NCOA2: variants seen among roughly 807,000 people sequenced by gnomAD.
NCOA2 encodes class E basic helix-loop-helix protein 75.
Under a neutral mutation model 145.1 loss-of-function variants are expected in NCOA2, and 21 were observed. That is an observed-to-expected ratio of 0.14 (90% CI 0.10 to 0.21). The LOEUF (loss-of-function observed/expected upper bound fraction) is 0.21. Ranked by LOEUF, NCOA2 falls within the 10% of genes least tolerant of loss-of-function variation. NCOA2 has a pLI of 1.00. For missense variants in NCOA2, 1,472 were observed against 1,837.6 expected, an observed-to-expected ratio of 0.80 and a Z score of 3.64; for synonymous variants, 619 against 637.5, an observed-to-expected ratio of 0.97 and a Z score of 0.44.
In NCOA2 at chr8:70,156,076, G is replaced by C; in HGVS notation, c.2289C>G (p.Thr763=). 6.2e-7 allele frequency: 1 copy of C among 1,613,848 alleles called. No homozygotes were observed. ...DTKDIGLPEI[T]PKLERLDSKT... is the part of the protein sequence containing the mutation. ...TACTGTCCAGTCTCTCAAGTTTGGG[G>C]GTTATTTCTGGTAAACCAATATCTT... The change falls in exon 11 of 23, where the codon ACC becomes ACG. Residue 763 remains threonine (T), a synonymous_variant. Transcript: ENST00000452400.
At chr8:70,267,945 T>G (rs1469478846) in intron 2 of NCOA2, among the ~76,000 whole-genome samples, 1 of 152,212 alleles carries the variant, frequency 6.6e-6, no homozygotes, top group African/African-American at 2.4e-5. Flanking sequence ...ACAAAATCGT[T>G]TTTCATATTT....
chr8:70,238,176 T>C (rs922883537), intron 2 of NCOA2, among the ~76,000 whole-genome samples: 4 of 152,216 alleles, frequency 2.6e-5, no homozygotes, highest in Middle Eastern at 3.4e-3. Flanking sequence ...GTGTGTGTTT[T>C]AAACTACTTA....
chr8:70,364,334 A>G (rs1810480230), intron 1 of NCOA2, among the ~76,000 whole-genome samples: 1 of 152,220 alleles, frequency 6.6e-6, no homozygotes, highest in South Asian at 2.1e-4. Context: ...GAAAAGGAAG[A>G]AAAGGTGTAT....
At chr8:70,324,593 GGCCTCCCAAAA>G (rs1200368100) in intron 1 of NCOA2, among the ~76,000 whole-genome samples, 1 of 151,720 alleles carries the variant, frequency 6.6e-6, no homozygotes, top group Non-Finnish European at 1.5e-5. Flanking sequence ...CACCCGCCTT[GGCCTCCCAAAA>G]GCTCACGAGC....
chr8:70,375,658 T>C (rs1043197481), intron 1 of NCOA2, among the ~76,000 whole-genome samples: 2 of 152,196 alleles, frequency 1.3e-5, no homozygotes, highest in Non-Finnish European at 2.9e-5. Context: ...CTAACTTCAA[T>C]TGCTGATCAG....
chr8:70,233,564 C>A (rs1187998062), intron 2 of NCOA2, among the ~76,000 whole-genome samples: 1 of 152,164 alleles, frequency 6.6e-6, no homozygotes, highest in Admixed American at 6.6e-5. Flanking sequence ...ATCTGCCCTC[C>A]CTAGTCTTCC....
At chr8:70,305,435 A>G (rs2135915487) in intron 1 of NCOA2, among the ~76,000 whole-genome samples, 1 of 152,348 alleles carries the variant, frequency 6.6e-6, no homozygotes, top group South Asian at 2.1e-4. Context: ...TTTAAAATGC[A>G]CACAAAGCAT....
At chr8:70,339,088 A>G (rs1016227136) in intron 1 of NCOA2, among the ~76,000 whole-genome samples, 3 of 152,190 alleles carry the variant, frequency 2.0e-5, no homozygotes, top group Non-Finnish European at 4.4e-5. Context: ...TGGCCAGGGC[A>G]ATCAGTCAAG....
At chr8:70,404,927 A>G (rs573381715), upstream of NCOA2, among the ~76,000 whole-genome samples, 4 of 152,324 alleles carry the variant, frequency 2.6e-5, no homozygotes, top group East Asian at 3.9e-4. Flanking sequence ...TGAGAGGAAC[A>G]TATTCCCTGA....
chr8:70,334,811 T>C (rs1445551423), intron 1 of NCOA2, among the ~76,000 whole-genome samples: 2 of 152,010 alleles, frequency 1.3e-5, no homozygotes, highest in African/African-American at 4.8e-5. Flanking sequence ...CTTAGTAATA[T>C]TCATTTTGCT....
chr8:70,269,494 ATGTC>A (rs1171723441), intron 2 of NCOA2, among the ~76,000 whole-genome samples: 1 of 152,132 alleles, frequency 6.6e-6, no homozygotes, highest in Admixed American at 6.5e-5. Context: ...AGAAAAAAGA[ATGTC>A]AGTCGGGATC....
chr8:70,156,320 G>C lies in NCOA2; in HGVS notation c.2045C>G (p.Ser682Trp). 1 of 1,613,882 alleles carries C rather than the reference G, an allele frequency of 6.2e-7. No homozygotes were observed. Among genetic ancestry groups the C allele is most frequent in the Non-Finnish European group, 8.5e-7 (1 of 1,179,860 alleles). ...LPGSGSTHGT[S>W]LKEKHKILHR... ...CAAAATTTTATGCTTCTCCTTGAGC[G>C]AGGTTCCATGTGTAGACCCAGAACC... is the stretch of plus-strand genomic sequence containing the variant. The change falls in exon 11 of 23, where the codon TCG becomes TGG. Residue 682 changes from serine to tryptophan, a missense_variant. By Grantham distance (177) the Ser-to-Trp change is radical (BLOSUM62 -3). Around this residue, in one of 4 missense-constraint regions of NCOA2, gnomAD observed 953 missense variants for 1,062.1 expected, o/e 0.90. Transcript: ENST00000452400.
chr8:70,406,227 T>C (rs1814778521), upstream of NCOA2, among the ~76,000 whole-genome samples: 1 of 152,226 alleles, frequency 6.6e-6, no homozygotes, highest in Non-Finnish European at 1.5e-5. Context: ...CCGATCCTCA[T>C]GTCCTCTTCC....
chr8:70,344,814 A>C (rs2136544154), intron 1 of NCOA2, among the ~76,000 whole-genome samples: 1 of 152,338 alleles, frequency 6.6e-6, no homozygotes, highest in East Asian at 1.9e-4. Context: ...CACTCAAAAG[A>C]CAAGAGTTCT....
rs1192754636 is a variant in NCOA2 at position 70,156,272 on chromosome 8, C to T, written c.2093G>A (p.Ser698Asn). 6.2e-7 allele frequency: 1 copy of T among 1,613,876 alleles called. No homozygotes were observed. The highest frequency in any genetic ancestry group is 1.3e-5 in the African/African-American group (1 of 74,914). ...KILHRLLQDS[S>N]SPVDLAKLTA... ...TAACTTGGCCAAGTCCACAGGGGAA[C>T]TGCTGTCCTGCAAGAGTCTGTGCAA... The change falls in exon 11 of 23, where the codon AGT becomes AAT. Residue 698 changes from serine (S) to asparagine (N), a missense_variant. By Grantham distance (46) the Ser-to-Asn change is conservative (BLOSUM62 1). Transcript: ENST00000452400.
the NCOA2 span, among the ~76,000 whole-genome samples, chr8:70,439,174 T>A: frequency 6.6e-6 from 1 of 152,240 alleles, no homozygotes; most frequent in Non-Finnish European, 1.5e-5. Flanking sequence ...TAAGTTTGTA[T>A]GTCTCTTGCT....
chr8:70,271,819 T>C (rs970077799), intron 2 of NCOA2, among the ~76,000 whole-genome samples: 3 of 152,192 alleles, frequency 2.0e-5, no homozygotes, highest in Non-Finnish European at 4.4e-5. Context: ...ACCCACATGT[T>C]TGCAAACACA....
At chr8:70,392,175 G>GT (rs943286705) in intron 1 of NCOA2, among the ~76,000 whole-genome samples, 15 of 152,114 alleles carry the variant, frequency 9.9e-5, no homozygotes, top group African/African-American at 2.9e-4. Context: ...TTTCTAGCAG[G>GT]TTTTTTTGTC....
At position 70,159,598 on chromosome 8, in the gene NCOA2, C is replaced by T. The variant is rs1239203922; in HGVS notation, c.1031G>A (p.Gly344Asp). 1 of 1,612,356 alleles carries T rather than the reference C, an allele frequency of 6.2e-7. No individual in the cohort carries two copies. Among genetic ancestry groups the T allele is most frequent in the East Asian group, 2.2e-5 (1 of 44,856 alleles). The change falls in exon 10 of 23, where the codon GGC becomes GAC. Residue 344 changes from glycine (G) to aspartate (D), a missense_variant. Gly to Asp is a moderately conservative substitution (Grantham distance 94, BLOSUM62 -1). Coordinates refer to ENST00000452400, the MANE Select transcript of NCOA2 (RefSeq NM_006540.4). ...CTTCGTTTGTGCAGCAACAAGAGTG[C>T]CATCAGACAAGGAAAAACGATAGAT... is the stretch of plus-strand genomic sequence containing the variant. ...SQIYRFSLSD[G>D]TLVAAQTKSK...
Sources: allele counts gnomAD v4.1 joint callset (sites outside exome capture counted in the v4.1 genomes callset), GRCh38; gene constraint gnomAD v4.1.1; regional missense constraint gnomAD v4.1.1; transcripts MANE v1.5; gene names NCBI Gene and HGNC (gene_info 2026-07-23, HGNC 2026-07-21).